Variants in KY observed in about 807,000 individuals in gnomAD.
KY encodes kyphoscoliosis peptidase.
A neutral mutation model predicts 76.1 loss-of-function variants in KY; 43 were observed. That is an observed-to-expected ratio of 0.57 (90% CI 0.44 to 0.73). The LOEUF (loss-of-function observed/expected upper bound fraction) is 0.73. Among genes scored for constraint, KY ranks in the 30% least tolerant of loss-of-function variants. The pLI is 0.00. For synonymous variants in KY, 277 were observed against 326.2 expected (o/e 0.85, Z 1.63); for missense variants, 722 against 828.9 (o/e 0.87, Z 1.58).
At chr3:134,616,866 G>C (rs1179026398) in intron 8 of KY, among the ~76,000 whole-genome samples, 1 of 152,176 alleles carries the variant, frequency 6.6e-6, no homozygotes, top group African/African-American at 2.4e-5. Flanking sequence ...CCAAAATCGG[G>C]TTGGTAACCC....
chr3:134,629,757 A>C, intron 3 of KY, 62 bp from the exon 4 acceptor site: 1 of 935,642 alleles, frequency 1.1e-6, no homozygotes, highest in Non-Finnish European at 1.7e-6. Context: ...TGAATGCCTC[A>C]TGACTGATGA....
rs1458192614 is a variant in KY at position 134,625,235 on chromosome 3, C to T, written c.401-100G>A. 5.7e-6 allele frequency: 5 copies of T among 877,470 alleles called. No homozygotes were observed. The African/African-American group carries it at 6.7e-5, about 12-fold the overall frequency. The allele number at this position is 877,470 out of a possible 1,614,324, so 54.4% of individuals were successfully genotyped here. A position where few individuals can be genotyped will look rare whatever the true frequency, so the allele number is the denominator to read the frequency against. ...CTTTGAGGAGCTGTGACTGTCCAAC[C>T]TTTAACACAATTCTCAAAGCCTGAA... On this transcript the variant is annotated intron_variant, in intron 5 of 10. Transcript: ENST00000423778.
intron 3 of KY, among the ~76,000 whole-genome samples, chr3:134,630,768 G>T (rs1335204823): frequency 6.6e-6 from 1 of 152,170 alleles, no homozygotes; most frequent in East Asian, 1.9e-4. Context: ...ACTCAGGAAA[G>T]TCTTAATTTG....
intron 7 of KY, 127 bp downstream of exon 7, chr3:134,620,622 G>C (rs1217952867): frequency 1.5e-6 from 1 of 670,688 alleles, no homozygotes; most frequent in Non-Finnish European, 2.7e-6. Flanking sequence ...CATCAGTCCA[G>C]TCTTCTGGGT....
Position 134,650,859 on chromosome 3 carries a change from C to T in KY, c.102G>A (p.Gln34=), listed in dbSNP as rs374485706. ...RAAQGTLSDQ[Q]ANPSSLLQRG... is the part of the protein sequence containing the mutation. ...GCTGCAGCAGCGAGCTCGGGTTCGC[C>T]TGCTGGTCTGAGAGCGTACCCTGTG... The change falls in exon 1 of 11, where the codon CAG becomes CAA. Residue 34 remains glutamine, a synonymous_variant. Transcript: ENST00000423778. 1.2e-6 allele frequency: 2 copies of T among 1,609,552 alleles called. No homozygotes were observed. The highest frequency in any genetic ancestry group is 2.7e-5 in the African/African-American group (2 of 74,568).
Position 134,625,107 on chromosome 3 carries a change from T to C in KY, c.429A>G (p.Lys143=). The change falls in exon 6 of 11, where the codon AAA becomes AAG. Residue 143 remains lysine (K), a synonymous_variant. Coordinates refer to ENST00000423778, the MANE Select transcript of KY (RefSeq NM_178554.6). ...HAYPWDRSSL[K]SMSLDLQQFE... ...ACTGCTGCAGGTCCAGGGACATGGA[T>C]TTCAGGCTAGATCGATCCCAGGGGT... 1 of 1,602,502 alleles carries C rather than the reference T, an allele frequency of 6.2e-7. No individual in the cohort carries two copies.
intron 8 of KY, among the ~76,000 whole-genome samples, chr3:134,618,018 AAGC>A (rs1363810784): frequency 6.6e-6 from 1 of 151,998 alleles, no homozygotes; most frequent in Admixed American, 6.5e-5. Context: ...AGGGGGTGGG[AAGC>A]AGCCTGGGTG....
intron 3 of KY, among the ~76,000 whole-genome samples, chr3:134,639,127 T>C (rs1332066975): frequency 1.4e-5 from 2 of 147,784 alleles, no homozygotes; most frequent in Middle Eastern, 7.3e-3. Flanking sequence ...AAAGCATTGG[T>C]AGTTTAAAAA....
intron 8 of KY, among the ~76,000 whole-genome samples, chr3:134,616,889 C>T (rs1426689879): frequency 2.6e-5 from 4 of 152,342 alleles, no homozygotes; most frequent in African/African-American, 9.6e-5. Flanking sequence ...AAACTGCAGT[C>T]TCATTGAGTC....
chr3:134,625,687 G>A (rs931023428), intron 5 of KY, among the ~76,000 whole-genome samples: 1 of 152,224 alleles, frequency 6.6e-6, no homozygotes, highest in African/African-American at 2.4e-5. Context: ...AGGTGCGTTT[G>A]GCACCCAGAC....
At chr3:134,628,195 C>G (rs929411406) in intron 4 of KY, 1 of 239,230 alleles carries the variant, frequency 4.2e-6, no homozygotes, top group Non-Finnish European at 8.3e-6. Flanking sequence ...GGGATAAGAA[C>G]TGACCATGGA....
intron 8 of KY, among the ~76,000 whole-genome samples, chr3:134,618,039 C>T (rs941345273): frequency 2.6e-5 from 4 of 152,076 alleles, no homozygotes; most frequent in Non-Finnish European, 5.9e-5. Flanking sequence ...GTGGCATATT[C>T]TGTACCCTGA....
At chr3:134,608,122 G>A (rs1959570095) in intron 10 of KY, 2 of 1,130,782 alleles carry the variant, frequency 1.8e-6, no homozygotes. Flanking sequence ...ATCCTTGCTG[G>A]TTGGACCACC....
In KY at chr3:134,604,047, C is replaced by G; in HGVS notation, c.1518G>C (p.Glu506Asp). Reference protein sequence around the residue: ...LHGDDGPITEETQRRYIFQLH... With the variant: ...LHGDDGPITEDTQRRYIFQLH... Reference sequence around the variant, plus strand: ...GCTGGAAGATGTAGCGCCGCTGTGTCTCCTCAGTGATGGGGCCATCATCCC... The same window carrying G: ...GCTGGAAGATGTAGCGCCGCTGTGTGTCCTCAGTGATGGGGCCATCATCCC... The change falls in exon 11 of 11, where the codon GAG becomes GAC. Residue 506 changes from glutamate (E) to aspartate (D), a missense_variant. Coordinates refer to ENST00000423778, the MANE Select transcript of KY (RefSeq NM_178554.6). 6.2e-7 allele frequency: 1 copy of G among 1,614,014 alleles called. No homozygotes were observed. The highest frequency in any genetic ancestry group is 8.5e-7 in the Non-Finnish European group (1 of 1,179,872).
intron 4 of KY, 175 bp from the exon 5 acceptor site, chr3:134,627,993 C>T (rs1201212314): frequency 1.6e-6 from 1 of 617,850 alleles, no homozygotes; most frequent in Non-Finnish European, 2.9e-6. Context: ...TTGCCAGGAA[C>T]TTCCTGGTGT....
At chr3:134,611,946 A>G (rs1960547239) in intron 8 of KY, among the ~76,000 whole-genome samples, 2 of 152,272 alleles carry the variant, frequency 1.3e-5, no homozygotes, top group South Asian at 4.1e-4. Flanking sequence ...AATACATATC[A>G]CTTGCTGAGA....
chr3:134,610,359 G>T lies in KY; in HGVS notation c.735C>A (p.Thr245=), dbSNP rs187017240. The change falls in exon 9 of 11, where the codon ACC becomes ACA. Residue 245 remains threonine (T), a synonymous_variant. Transcript: ENST00000423778. ...CGAAACCCTTGGAGTAGCCAGGCACGGTCATACACTGCACTCCGGCGAGCC... is the reference window on the plus strand; with the variant it reads ...CGAAACCCTTGGAGTAGCCAGGCACTGTCATACACTGCACTCCGGCGAGCC... ...MCRLAGVQCM[T]VPGYSKGFGY... The T allele has an allele frequency of 8.1e-6, 13 of 1,612,944 alleles. No individual in the cohort carries two copies. The highest frequency in any genetic ancestry group is 1.1e-5 in the Non-Finnish European group (13 of 1,179,590).
chr3:134,611,546 A>G (rs941219501), intron 8 of KY, among the ~76,000 whole-genome samples: 4 of 152,244 alleles, frequency 2.6e-5, no homozygotes, highest in Non-Finnish European at 5.9e-5. Context: ...CTTCCTCAAG[A>G]CATTTTCCTT....
chr3:134,643,494 C>G, intron 2 of KY, 116 bp from the exon 3 acceptor site: 3 of 770,274 alleles, frequency 3.9e-6, no homozygotes, highest in Non-Finnish European at 6.6e-6. Flanking sequence ...AGCACATCCC[C>G]AGGCCTAAAT....
Sources: allele counts gnomAD v4.1 joint callset (sites outside exome capture counted in the v4.1 genomes callset), GRCh38; gene constraint gnomAD v4.1.1; transcripts MANE v1.5; gene names NCBI Gene and HGNC (gene_info 2026-07-23, HGNC 2026-07-21).